TESPA1: variants seen among roughly 807,000 people sequenced by gnomAD.
TESPA1 encodes the protein thymocyte expressed, positive selection associated 1, also known as protein TESPA1.
Under a neutral mutation model 57.9 loss-of-function variants are expected in TESPA1, and 33 were observed. The ratio of observed to expected loss-of-function variants is 0.57; its 90% CI spans 0.43 to 0.76. TESPA1 has a LOEUF of 0.76. Among genes scored for constraint, TESPA1 ranks in the 30% least tolerant of loss-of-function variants. The pLI is 0.00. For missense variants in TESPA1, 618 were observed against 632.9 expected, an observed-to-expected ratio of 0.98 and a Z score of 0.25; for synonymous variants, 227 against 228.9, an observed-to-expected ratio of 0.99 and a Z score of 0.07.
chr12:54,966,088 G>A lies in TESPA1; in HGVS notation c.411C>T (p.Ser137=). ...LLDLGCSLAS[S]SMTGGTNKTS... ...TCTTGTTGGTCCCCCCAGTCATGCT[G>A]CTGGAAGCCAAACTACAGCCAAGAT... Residue 137 remains serine, a synonymous_variant, in exon 7 of 11, where the codon AGC becomes AGT. Coordinates refer to ENST00000449076, the MANE Select transcript of TESPA1 (RefSeq NM_001136030.3). 6.3e-7 allele frequency: 1 copy of A among 1,578,624 alleles called. No homozygotes were observed. The highest frequency in any genetic ancestry group is 1.3e-5 in the African/African-American group (1 of 74,112).
At chr12:54,950,446 C>G in intron 10 of TESPA1, 56 bp from the exon 11 acceptor site, 1 of 407,666 alleles carries the variant, frequency 2.5e-6, no homozygotes, top group Non-Finnish European at 4.9e-6. Context: ...ACTTTGGGTA[C>G]TGAGGTTGGT....
At chr12:54,971,349 C>T (rs1178465527) in intron 3 of TESPA1, among the ~76,000 whole-genome samples, 2 of 152,210 alleles carry the variant, frequency 1.3e-5, no homozygotes, top group Non-Finnish European at 1.5e-5. Context: ...GTTTAGAATG[C>T]GTTTTCCCTC....
chr12:54,961,999 C>T (rs1276284477), intron 9 of TESPA1, among the ~76,000 whole-genome samples: 3 of 152,148 alleles, frequency 2.0e-5, no homozygotes. Flanking sequence ...CATTTTAGCA[C>T]AGAAGTCCTA....
rs758788351 is a variant in TESPA1 at position 54,967,874 on chromosome 12, A to C, written c.225T>G (p.Phe75Leu). Residue 75 changes from phenylalanine to leucine, a missense_variant, in exon 4 of 11, where the codon TTT becomes TTG. By Grantham distance (22) the Phe-to-Leu change is conservative. Transcript: ENST00000449076. ...LQDCGYSEEG[F>L]SEEAGQFIYN... The stretch of plus-strand genomic sequence containing the variant: ...AGATAAACTGTCCTGCTTCCTCAGA[A>C]AATCCTTCTTCAGAGTATCTAAACC... 10 of 1,613,726 alleles carry C rather than the reference A, an allele frequency of 6.2e-6. No homozygotes were observed. Among genetic ancestry groups the C allele is most frequent in the Non-Finnish European group, 5.9e-6 (7 of 1,179,730 alleles).
intron 9 of TESPA1, 132 bp downstream of exon 9, chr12:54,962,299 C>G (rs1951127313): frequency 1.8e-5 from 20 of 1,091,290 alleles, no homozygotes; most frequent in Non-Finnish European, 2.6e-5. Flanking sequence ...GAATTGAAAT[C>G]AGAAAGTGGT....
At position 54,963,850 on chromosome 12, in the gene TESPA1, C is replaced by T. The variant is rs757590911; in HGVS notation, c.547G>A (p.Ala183Thr). 1.9e-6 allele frequency: 3 copies of T among 1,613,936 alleles called. No individual in the cohort carries two copies. The highest frequency in any genetic ancestry group is 2.5e-6 in the Non-Finnish European group (3 of 1,179,852). The change falls in exon 8 of 11, where the codon GCC (alanine) becomes ACC (threonine). Residue 183 changes from alanine to threonine, a missense_variant. By Grantham distance (58) the Ala-to-Thr change is moderately conservative (BLOSUM62 0). Transcript: ENST00000449076. ...EDHKDTSRIP[A>T]RFFTTPSQAK... Reference sequence around the variant, plus strand: ...TGAGAGGGGGTGGTGAAAAATCGGGCGGGTATCCGAGAAGTGTCTTTGTGA... The same window carrying T: ...TGAGAGGGGGTGGTGAAAAATCGGGTGGGTATCCGAGAAGTGTCTTTGTGA...
intron 1 of TESPA1, among the ~76,000 whole-genome samples, chr12:54,978,181 G>A (rs1952200567): frequency 6.6e-6 from 1 of 152,170 alleles, no homozygotes; most frequent in Non-Finnish European, 1.5e-5. Context: ...AAGATATGGA[G>A]ATGTTTCCTC....
chr12:54,962,908 G>A lies in TESPA1; in HGVS notation c.990C>T (p.Leu330=). 4.3e-6 allele frequency: 7 copies of A among 1,613,692 alleles called. No individual in the cohort carries two copies. The highest frequency in any genetic ancestry group is 5.9e-6 in the Non-Finnish European group (7 of 1,179,796). Residue 330 remains leucine (L), a synonymous_variant, in exon 9 of 11, where the codon CTC becomes CTT. Transcript: ENST00000449076. ...ATTGCCCCAAATCAGAGTCTTGCTG[G>A]AGGAACTGCTTCTCTTCTTTCACTT... The part of the protein sequence containing the change: ...MDKVKEEKQF[L]QQDSDLGQFS...
chr12:54,968,347 C>G (rs1460029173), intron 3 of TESPA1, among the ~76,000 whole-genome samples: 1 of 152,154 alleles, frequency 6.6e-6, no homozygotes, highest in African/African-American at 2.4e-5. Flanking sequence ...CTCTCTGAAC[C>G]ATGTTATTGC....
Position 54,974,470 on chromosome 12 carries a change from C to G in TESPA1, c.93G>C (p.Glu31Asp), listed in dbSNP as rs201481040. Residue 31 changes from glutamate (E) to aspartate (D), a missense_variant, in exon 2 of 11, where the codon GAG (glutamate) becomes GAC (aspartate). Coordinates refer to ENST00000449076, the MANE Select transcript of TESPA1 (RefSeq NM_001136030.3). Reference protein sequence around the residue: ...SRNWQTQVLEEEAAAALQDVP... With the variant: ...SRNWQTQVLEDEAAAALQDVP... Reference sequence around the variant, plus strand: ...CATCCTGCAGGGCGGCGGCAGCCTCCTCTTCTAGGACCTGGGTCTGCCAGT... The same window carrying G: ...CATCCTGCAGGGCGGCGGCAGCCTCGTCTTCTAGGACCTGGGTCTGCCAGT... The G allele has an allele frequency of 7.2e-4, 1,150 of 1,607,596 alleles. 7 individuals are homozygous for G. The highest frequency in any genetic ancestry group is 5.9e-3 in the South Asian group (527 of 89,468).
intron 3 of TESPA1, among the ~76,000 whole-genome samples, chr12:54,972,411 A>C (rs1038805256): frequency 6.6e-6 from 1 of 152,210 alleles, no homozygotes; most frequent in Non-Finnish European, 1.5e-5. Context: ...GTAGTTAATG[A>C]GATAAGGACA....
chr12:54,971,307 G>A (rs1951815518), intron 3 of TESPA1, among the ~76,000 whole-genome samples: 1 of 152,224 alleles, frequency 6.6e-6, no homozygotes, highest in Non-Finnish European at 1.5e-5. Flanking sequence ...TGGCCTTGGA[G>A]CATGGAATAC....
chr12:54,961,866 G>A (rs1276508546), intron 9 of TESPA1, among the ~76,000 whole-genome samples: 1 of 152,182 alleles, frequency 6.6e-6, no homozygotes, highest in Admixed American at 6.5e-5. Context: ...GTGGCATTTG[G>A]ATGTGCAGGC....
intron 1 of TESPA1, 23 bp from the exon 2 acceptor site, chr12:54,974,630 A>C: frequency 2.9e-6 from 4 of 1,399,932 alleles, no homozygotes; most frequent in Non-Finnish European, 3.8e-6. Flanking sequence ...AAACAGTGAT[A>C]CTCCCTCATC....
intron 10 of TESPA1, among the ~76,000 whole-genome samples, chr12:54,953,522 C>CTTTTTTTTT (rs1178610425): frequency 0.058 from 7,834 of 134,864 alleles, 818 homozygotes; most frequent in African/African-American, 0.17. Flanking sequence ...TTTTTATTTA[C>CTTTTTTTTT]TTTTTTTTTT....
chr12:54,953,532 T>C (rs1451928109), intron 10 of TESPA1, among the ~76,000 whole-genome samples: 1 of 150,568 alleles, frequency 6.6e-6, no homozygotes, highest in Non-Finnish European at 1.5e-5. Flanking sequence ...CTTTTTTTTT[T>C]TTTGAGACGG....
chr12:54,952,878 A>T (rs1418582734), intron 10 of TESPA1, among the ~76,000 whole-genome samples: 1 of 152,154 alleles, frequency 6.6e-6, no homozygotes, highest in Non-Finnish European at 1.5e-5. Flanking sequence ...ATTTACATCC[A>T]TTTAGTTGCC....
rs576581522 is a variant in TESPA1 at position 54,968,094 on chromosome 12, A to G, written c.207-202T>C. 4.5e-5 allele frequency: 59 copies of G among 1,313,296 alleles called. No individual in the cohort carries two copies. The African/African-American group carries it at 7.6e-4, about 17-fold the overall frequency. The allele number at this position is 1,313,296 out of a possible 1,614,324, so 81.4% of individuals were successfully genotyped here. A position where few individuals can be genotyped will look rare whatever the true frequency, so the allele number is the denominator to read the frequency against. ...AAGTAGTTGGGGAAACTGGGGCTGG[A>G]ATGCACTATATTTTAGATTGTGCTT... On this transcript the variant is annotated intron_variant, in intron 3 of 10. Transcript: ENST00000449076.
chr12:54,963,849 G>A lies in TESPA1; in HGVS notation c.548C>T (p.Ala183Val). 1.2e-6 allele frequency: 2 copies of A among 1,614,004 alleles called. No homozygotes were observed. Among genetic ancestry groups the A allele is most frequent in the Non-Finnish European group, 8.5e-7 (1 of 1,179,880 alleles). ...EDHKDTSRIPARFFTTPSQAK... is the reference protein window; with the variant it reads ...EDHKDTSRIPVRFFTTPSQAK... ...CTGAGAGGGGGTGGTGAAAAATCGGGCGGGTATCCGAGAAGTGTCTTTGTG... is the reference window on the plus strand; with the variant it reads ...CTGAGAGGGGGTGGTGAAAAATCGGACGGGTATCCGAGAAGTGTCTTTGTG... The change falls in exon 8 of 11, where the codon GCC (alanine) becomes GTC (valine). Residue 183 changes from alanine (A) to valine (V), a missense_variant. By Grantham distance (64) the Ala-to-Val change is moderately conservative (BLOSUM62 0). Around this residue, in one of 3 missense-constraint regions of TESPA1, gnomAD observed 409 missense variants for 420.1 expected, o/e 0.97. Transcript: ENST00000449076.
Sources: allele counts gnomAD v4.1 joint callset (sites outside exome capture counted in the v4.1 genomes callset), GRCh38; gene constraint gnomAD v4.1.1; regional missense constraint gnomAD v4.1.1; transcripts MANE v1.5; gene names NCBI Gene and HGNC (gene_info 2026-07-23, HGNC 2026-07-21).